The following RNGTT variants were observed in gnomAD, a reference collection of about 807,000 sequenced individuals.
RNGTT encodes the protein mRNA-capping enzyme.
In RNGTT, 33 loss-of-function variants were observed where a neutral mutation model predicts 79.3. The ratio of observed to expected loss-of-function variants is 0.42; its 90% CI spans 0.32 to 0.56. The LOEUF is 0.56. Among genes scored for constraint, RNGTT ranks in the 20% least tolerant of loss-of-function variants. RNGTT has a pLI of 0.17. For synonymous variants in RNGTT, 222 were observed against 235.9 expected (o/e 0.94, Z 0.54); for missense variants, 497 against 739.1 (o/e 0.67, Z 3.80).
intron 13 of RNGTT, among the ~76,000 whole-genome samples, chr6:88,706,878 T>C (rs1235976801): frequency 2.0e-5 from 3 of 151,716 alleles, no homozygotes; most frequent in Non-Finnish European, 4.4e-5. Context: ...ACTTTAAAAC[T>C]AAATAATACC....
chr6:88,932,637 G>C (rs1784546375), intron 2 of RNGTT, among the ~76,000 whole-genome samples: 1 of 152,126 alleles, frequency 6.6e-6, no homozygotes, highest in African/African-American at 2.4e-5. Context: ...AAATAGAAAA[G>C]AACCTACGTT....
intron 2 of RNGTT, among the ~76,000 whole-genome samples, chr6:88,939,434 C>T (rs1229715659): frequency 2.6e-5 from 4 of 152,106 alleles, no homozygotes; most frequent in African/African-American, 9.7e-5. Context: ...ATGAATTCTT[C>T]ATTTCCTGAA....
At chr6:88,814,027 G>A (rs1306822864) in intron 11 of RNGTT, among the ~76,000 whole-genome samples, 1 of 152,056 alleles carries the variant, frequency 6.6e-6, no homozygotes, top group East Asian at 1.9e-4. Context: ...GTAAGGCTAG[G>A]TTATAACCAT....
intron 8 of RNGTT, among the ~76,000 whole-genome samples, chr6:88,874,767 T>A (rs1782464630): frequency 1.3e-5 from 2 of 152,080 alleles, no homozygotes; most frequent in Non-Finnish European, 2.9e-5. Context: ...CACTACTCAA[T>A]ACTAAATATC....
At chr6:88,769,175 G>A (rs191752163) in intron 13 of RNGTT, among the ~76,000 whole-genome samples, 9 of 151,822 alleles carry the variant, frequency 5.9e-5, no homozygotes, top group East Asian at 1.9e-4. Flanking sequence ...GGTGTGCGGC[G>A]GGGGAAGTGG....
At chr6:88,766,581 G>A (rs1189242663) in intron 13 of RNGTT, among the ~76,000 whole-genome samples, 1 of 152,016 alleles carries the variant, frequency 6.6e-6, no homozygotes, top group Admixed American at 6.5e-5. Context: ...GAGATAAGAA[G>A]AGCAAAGTAT....
At chr6:88,639,210 T>C (rs1477569814) in intron 14 of RNGTT, among the ~76,000 whole-genome samples, 1 of 152,104 alleles carries the variant, frequency 6.6e-6, no homozygotes, top group Non-Finnish European at 1.5e-5. Flanking sequence ...GTGACACTAT[T>C]ATAATAAAGG....
intron 14 of RNGTT, among the ~76,000 whole-genome samples, chr6:88,625,401 C>T (rs1157819188): frequency 6.6e-6 from 1 of 151,962 alleles, no homozygotes; most frequent in African/African-American, 2.4e-5. Context: ...GGAATAAGAA[C>T]TATTAGTAAA....
intron 14 of RNGTT, among the ~76,000 whole-genome samples, chr6:88,672,277 G>GTATACACATATA (rs997006999): frequency 1.3e-5 from 2 of 148,554 alleles, no homozygotes; most frequent in Non-Finnish European, 3.0e-5. Context: ...ATATATAAAT[G>GTATACACATATA]TATACACATA....
intron 13 of RNGTT, among the ~76,000 whole-genome samples, chr6:88,762,572 C>T (rs1049634923): frequency 2.0e-5 from 3 of 152,218 alleles, no homozygotes; most frequent in African/African-American, 4.8e-5. Context: ...CAGAAGACAT[C>T]TGCCTTTGCC....
intron 1 of RNGTT, among the ~76,000 whole-genome samples, chr6:88,960,517 C>T (rs544954189): frequency 5.9e-5 from 9 of 152,144 alleles, no homozygotes; most frequent in South Asian, 2.1e-4. Context: ...GCGGATCACC[C>T]GAGGTCAGCA....
At chr6:88,836,510 G>A (rs1042901239) in intron 11 of RNGTT, among the ~76,000 whole-genome samples, 8 of 152,260 alleles carry the variant, frequency 5.3e-5, no homozygotes, top group South Asian at 2.1e-4. Context: ...GGGAGGTCAA[G>A]GTGGGCAGAC....
chr6:88,877,800 C>T (rs758426528), intron 8 of RNGTT, among the ~76,000 whole-genome samples: 163 of 152,236 alleles, frequency 1.1e-3, no homozygotes, highest in Non-Finnish European at 1.5e-3. Context: ...CTCTGGTAGT[C>T]TCACTTCCCC....
chr6:88,668,841 T>C (rs545187666), intron 14 of RNGTT, among the ~76,000 whole-genome samples: 1 of 152,050 alleles, frequency 6.6e-6, no homozygotes, highest in Non-Finnish European at 1.5e-5. Context: ...AAGCTAGGGA[T>C]GGGATGTGGT....
intron 4 of RNGTT, among the ~76,000 whole-genome samples, chr6:88,922,438 C>T (rs1233319910): frequency 1.3e-5 from 2 of 152,012 alleles, no homozygotes; most frequent in Non-Finnish European, 2.9e-5. Context: ...CATATGATTA[C>T]CATGCAATAA....
chr6:88,934,570 T>C (rs759369758), intron 2 of RNGTT, among the ~76,000 whole-genome samples: 10 of 152,244 alleles, frequency 6.6e-5, no homozygotes, highest in African/African-American at 9.6e-5. Flanking sequence ...CTCAGAAGAA[T>C]AGTTTGCAAA....
At chr6:88,739,307 G>A (rs1442368795) in intron 13 of RNGTT, among the ~76,000 whole-genome samples, 1 of 152,108 alleles carries the variant, frequency 6.6e-6, no homozygotes, top group African/African-American at 2.4e-5. Flanking sequence ...CCAATACCCA[G>A]CAATTCACAG....
chr6:88,690,961 A>G (rs1290219851), intron 13 of RNGTT, among the ~76,000 whole-genome samples: 1 of 152,166 alleles, frequency 6.6e-6, no homozygotes, highest in Non-Finnish European at 1.5e-5. Context: ...TTATACACCA[A>G]TGAAAAGGAA....
chr6:88,667,296 G>A (rs1208001334), intron 14 of RNGTT, among the ~76,000 whole-genome samples: 1 of 152,198 alleles, frequency 6.6e-6, no homozygotes, highest in Non-Finnish European at 1.5e-5. Context: ...CAGCTACTAG[G>A]GGCCACAGTT....
Sources: allele counts gnomAD v4.1 joint callset (sites outside exome capture counted in the v4.1 genomes callset), GRCh38; gene constraint gnomAD v4.1.1; transcripts MANE v1.5; gene names NCBI Gene and HGNC (gene_info 2026-07-23, HGNC 2026-07-21).